Variants in RIMS2 observed in about 807,000 individuals in gnomAD.
The protein encoded by RIMS2 is regulating synaptic membrane exocytosis protein 2.
In RIMS2, 59 loss-of-function variants were observed where a neutral mutation model predicts 174.4. That is an observed-to-expected ratio of 0.34 (90% CI 0.27 to 0.42). The LOEUF is 0.42. Among genes scored for constraint, RIMS2 ranks in the 10% least tolerant of loss-of-function variants. The pLI is 1.00. For missense variants in RIMS2, 1,620 were observed against 1,666.3 expected (o/e 0.97, Z 0.48); for synonymous variants, 606 against 572.5 (o/e 1.06, Z -0.84).
intron 4 of RIMS2, among the ~76,000 whole-genome samples, chr8:103,905,543 G>T (rs1466483216): frequency 6.6e-6 from 1 of 151,674 alleles, no homozygotes; most frequent in Non-Finnish European, 1.5e-5. Context: ...TGATTATGGT[G>T]TATCTTGTAA....
At chr8:104,107,600 A>G (rs1038594138) in intron 19 of RIMS2, among the ~76,000 whole-genome samples, 2 of 152,246 alleles carry the variant, frequency 1.3e-5, no homozygotes, top group Admixed American at 1.3e-4. Flanking sequence ...TACTTCTAAC[A>G]TAGTGCAATA....
intron 19 of RIMS2, among the ~76,000 whole-genome samples, chr8:104,173,759 G>A (rs983769716): frequency 6.7e-6 from 1 of 149,366 alleles, no homozygotes; most frequent in Non-Finnish European, 1.5e-5. Flanking sequence ...CTCCCGAGTA[G>A]CTGGGACTAC....
At chr8:103,603,321 A>G (rs2094858943) in intron 1 of RIMS2, among the ~76,000 whole-genome samples, 1 of 151,910 alleles carries the variant, frequency 6.6e-6, no homozygotes, top group Non-Finnish European at 1.5e-5. Flanking sequence ...TACAAAGGAC[A>G]TGAACTCATC....
Position 103,675,734 on chromosome 8 carries a change from T to TA in RIMS2, c.177-21352_177-21351insA, listed in dbSNP as rs796452535. 5.0e-3 allele frequency among the ~76,000 whole-genome samples: 748 copies of TA among 150,976 alleles called. 6 individuals carry two copies. Among genetic ancestry groups the TA allele is most frequent in the South Asian group, 0.017 (84 of 4,812 alleles). On this transcript the variant is annotated intron_variant, in intron 1 of 23. Transcript: ENST00000504942. ...TTTTTTTTACCAACAATTTTAAAAC[T>TA]CCTTTTTTTTTTACAAAGTATCAGC...
At chr8:103,987,927 A>T (rs2094464910) in intron 16 of RIMS2, among the ~76,000 whole-genome samples, 1 of 152,218 alleles carries the variant, frequency 6.6e-6, no homozygotes, top group South Asian at 2.1e-4. Context: ...TGGGTAAGGA[A>T]TTAATGAGAG....
rs1298770338 is a variant in RIMS2, at chr8:104,241,395, C to CA, written c.3335-3514dup. Among the ~76,000 whole-genome samples the CA allele has an allele frequency of 4.6e-5, 7 of 152,132 alleles. No homozygotes were observed. The East Asian group carries it at 1.2e-3, about 25-fold the overall frequency. On this transcript the variant is annotated intron_variant, in intron 19 of 23. Transcript: ENST00000504942. ...ATACATGTAAGAAGCAACCTGTAAA[C>CA]AAAAAAATTACATGCTTATCATATT...
At chr8:103,912,077 A>G (rs1275128908) in exon 6 of RIMS2, 1 of 1,600,966 alleles carries the variant, frequency 6.2e-7, no homozygotes, top group South Asian at 1.1e-5. Context: ...GCAACCATCT[A>G]AAGATGGAGA....
intron 4 of RIMS2, among the ~76,000 whole-genome samples, chr8:103,898,517 G>T (rs924547522): frequency 1.3e-5 from 2 of 151,542 alleles, no homozygotes; most frequent in Non-Finnish European, 2.9e-5. Context: ...ACTTGATTGA[G>T]TTTATAGTAG....
At chr8:103,978,291 C>T (rs1313317062) in intron 16 of RIMS2, among the ~76,000 whole-genome samples, 2 of 119,712 alleles carry the variant, frequency 1.7e-5, no homozygotes, top group African/African-American at 5.1e-5. Context: ...ATAACAGGGG[C>T]TCAAACATAA....
chr8:103,865,341 G>A (rs1377454773), intron 3 of RIMS2, among the ~76,000 whole-genome samples: 3 of 139,260 alleles, frequency 2.2e-5, no homozygotes, highest in Non-Finnish European at 4.5e-5. Context: ...CTGGAGTGCA[G>A]TGGCATGATC....
chr8:103,521,073 G>A (rs1484566522), intron 1 of RIMS2, among the ~76,000 whole-genome samples: 2 of 148,504 alleles, frequency 1.3e-5, no homozygotes, highest in African/African-American at 2.5e-5. Flanking sequence ...CTCATAGGTG[G>A]GAATTGAACA....
intron 3 of RIMS2, among the ~76,000 whole-genome samples, chr8:103,832,843 GT>G (rs2098834398): frequency 1.3e-5 from 2 of 152,140 alleles, no homozygotes; most frequent in Admixed American, 6.5e-5. Context: ...TCTATTTAGT[GT>G]TTATATTGTG....
chr8:103,998,519 CTATT>C (rs1182695448), intron 17 of RIMS2, among the ~76,000 whole-genome samples: 3 of 151,714 alleles, frequency 2.0e-5, no homozygotes, highest in East Asian at 1.9e-4. Flanking sequence ...AGTTAACTCT[CTATT>C]TATCTACAAA....
intron 16 of RIMS2, among the ~76,000 whole-genome samples, chr8:103,986,585 T>G (rs2094377072): frequency 6.6e-6 from 1 of 152,146 alleles, no homozygotes; most frequent in African/African-American, 2.4e-5. Context: ...TTAATCTAGG[T>G]GAAATGGTTA....
At chr8:103,700,637 G>C (rs2097156767) in intron 2 of RIMS2, among the ~76,000 whole-genome samples, 1 of 151,586 alleles carries the variant, frequency 6.6e-6, no homozygotes, top group African/African-American at 2.4e-5. Context: ...TGTGATTATT[G>C]ATATGGTTTC....
chr8:103,527,091 C>T (rs1834409847), intron 1 of RIMS2, among the ~76,000 whole-genome samples: 1 of 152,104 alleles, frequency 6.6e-6, no homozygotes. Flanking sequence ...TGCTATAAGA[C>T]AATGGATTTA....
chr8:104,004,307 A>T (rs918717832), intron 17 of RIMS2, among the ~76,000 whole-genome samples: 1 of 152,226 alleles, frequency 6.6e-6, no homozygotes, highest in Non-Finnish European at 1.5e-5. Context: ...CCTGAGGAAC[A>T]TTAACATTAA....
chr8:104,148,515 T>C, intron 19 of RIMS2, 92 bp from the exon 25 acceptor site: 1 of 1,163,898 alleles, frequency 8.6e-7, no homozygotes, highest in Non-Finnish European at 1.2e-6. Context: ...ATGATATAAT[T>C]TAATTATACT....
intron 2 of RIMS2, among the ~76,000 whole-genome samples, chr8:103,703,601 C>A (rs537041666): frequency 3.3e-5 from 5 of 152,270 alleles, no homozygotes; most frequent in African/African-American, 9.6e-5. Context: ...AACATTTTAA[C>A]AGTAGCAATT....
Sources: gnomAD v4.1 joint callset for allele counts (sites outside exome capture counted in the v4.1 genomes callset) on GRCh38, gnomAD v4.1.1 for gene constraint, MANE v1.5 for transcripts, NCBI Gene and HGNC (gene_info 2026-07-23, HGNC 2026-07-21) for gene names.